LRP1B: variants seen among roughly 807,000 people sequenced by gnomAD.
LRP1B encodes the protein low-density lipoprotein receptor-related protein 1B.
A neutral mutation model predicts 556.6 loss-of-function variants in LRP1B; 217 were observed. The ratio of observed to expected loss-of-function variants is 0.39; its 90% CI spans 0.35 to 0.44. The LOEUF is 0.44. Ranked by LOEUF, LRP1B falls within the 20% of genes least tolerant of loss-of-function variation. The pLI, the probability that LRP1B is intolerant of heterozygous loss-of-function variation, is 1.00. For missense variants in LRP1B, 5,053 were observed against 5,620.8 expected (o/e 0.90, Z 3.23); for synonymous variants, 2,047 against 1,865.8 (o/e 1.10, Z -2.50).
At chr2:142,129,820 C>T (rs1277106688) in intron 1 of LRP1B, among the ~76,000 whole-genome samples, 2 of 152,134 alleles carry the variant, frequency 1.3e-5, no homozygotes, top group Non-Finnish European at 2.9e-5. Flanking sequence ...GATTATTAAA[C>T]TCGCACAGGG....
intron 1 of LRP1B, among the ~76,000 whole-genome samples, chr2:142,110,332 C>T (rs772782659): frequency 6.6e-6 from 1 of 151,978 alleles, no homozygotes; most frequent in Non-Finnish European, 1.5e-5. Context: ...TTATTTTTAA[C>T]TGATAAAATT....
At chr2:141,849,943 G>T (rs1697786639) in intron 1 of LRP1B, among the ~76,000 whole-genome samples, 1 of 151,630 alleles carries the variant, frequency 6.6e-6, no homozygotes, top group Non-Finnish European at 1.5e-5. Context: ...TTTGGCATAA[G>T]TTAATGTTTC....
At chr2:141,117,235 CATT>C (rs1558872064) in intron 7 of LRP1B, among the ~76,000 whole-genome samples, 1 of 42,348 alleles carries the variant, frequency 2.4e-5, no homozygotes, top group South Asian at 1.3e-3. Flanking sequence ...TTGGCTACTT[CATT>C]TTTTTTTTTT....
At chr2:141,546,407 C>T (rs1433080438) in intron 2 of LRP1B, among the ~76,000 whole-genome samples, 1 of 152,108 alleles carries the variant, frequency 6.6e-6, no homozygotes, top group East Asian at 1.9e-4. Context: ...CACAGTGCCT[C>T]CCCTTAGAAG....
intron 84 of LRP1B, among the ~76,000 whole-genome samples, chr2:140,278,173 T>A (rs1682764238): frequency 6.6e-6 from 1 of 152,042 alleles, no homozygotes; most frequent in South Asian, 2.1e-4. Flanking sequence ...AAGTTGAATC[T>A]ATGGTTTTAG....
chr2:140,741,225 C>T (rs1426045136), intron 35 of LRP1B, among the ~76,000 whole-genome samples: 5 of 152,144 alleles, frequency 3.3e-5, no homozygotes, highest in Non-Finnish European at 5.9e-5. Flanking sequence ...GGCAAGCAGA[C>T]ATTTGGGGAA....
intron 55 of LRP1B, among the ~76,000 whole-genome samples, chr2:140,498,584 A>G (rs557573315): frequency 3.3e-5 from 5 of 151,968 alleles, no homozygotes; most frequent in South Asian, 4.1e-4. Context: ...TGCAGAATTT[A>G]GAGGACGATT....
intron 32 of LRP1B, among the ~76,000 whole-genome samples, chr2:140,805,069 ATGT>A (rs1055634034): frequency 1.3e-5 from 2 of 152,146 alleles, no homozygotes; most frequent in Non-Finnish European, 2.9e-5. Flanking sequence ...TTGAAAACAA[ATGT>A]TGTGTGCATA....
At chr2:141,909,526 A>ATTTTT (rs377577096) in intron 1 of LRP1B, among the ~76,000 whole-genome samples, 30 of 93,396 alleles carry the variant, frequency 3.2e-4, no homozygotes, top group African/African-American at 1.3e-3. Flanking sequence ...GGTCTCAGAC[A>ATTTTT]TTTTTTTTTT....
chr2:141,042,082 A>C (rs991014092), intron 11 of LRP1B, among the ~76,000 whole-genome samples: 3 of 152,084 alleles, frequency 2.0e-5, no homozygotes, highest in African/African-American at 7.2e-5. Flanking sequence ...TGCTGAGACA[A>C]TGTTCCAAGG....
chr2:142,101,407 GTCTA>G (rs540413614), intron 1 of LRP1B, among the ~76,000 whole-genome samples: 4 of 152,098 alleles, frequency 2.6e-5, no homozygotes, highest in African/African-American at 9.6e-5. Context: ...ATGTTAGTAT[GTCTA>G]TCTCTCTGCA....
chr2:140,279,266 CAA>C (rs530415701), intron 84 of LRP1B, among the ~76,000 whole-genome samples: 109 of 151,964 alleles, frequency 7.2e-4, no homozygotes, highest in Non-Finnish European at 1.1e-3. Context: ...ATAATCTCTT[CAA>C]GTGTCCTCTG....
intron 41 of LRP1B, among the ~76,000 whole-genome samples, chr2:140,691,199 C>T (rs1336869476): frequency 3.9e-5 from 6 of 151,996 alleles, no homozygotes; most frequent in Non-Finnish European, 5.9e-5. Flanking sequence ...TGGCAGGGCG[C>T]GGTGGCTCAC....
At chr2:140,485,221 G>T in intron 59 of LRP1B, 122 bp downstream of exon 59, 2 of 571,626 alleles carry the variant, frequency 3.5e-6, no homozygotes, top group South Asian at 5.5e-5. Flanking sequence ...ATTTCTAAGT[G>T]AGAATTTCTG....
At chr2:141,540,620 T>A (rs933297493) in intron 2 of LRP1B, among the ~76,000 whole-genome samples, 2 of 152,066 alleles carry the variant, frequency 1.3e-5, no homozygotes, top group African/African-American at 4.8e-5. Flanking sequence ...GCTTGGCTTC[T>A]GATTTAATTA....
At chr2:141,861,455 C>T (rs2105787726) in intron 1 of LRP1B, among the ~76,000 whole-genome samples, 1 of 152,308 alleles carries the variant, frequency 6.6e-6, no homozygotes, top group Non-Finnish European at 1.5e-5. Flanking sequence ...GCAACCAAGA[C>T]TAGTGACAAT....
chr2:141,099,640 T>C (rs576804555), intron 7 of LRP1B, among the ~76,000 whole-genome samples: 1 of 152,242 alleles, frequency 6.6e-6, no homozygotes, highest in African/African-American at 2.4e-5. Flanking sequence ...TTCACACAAC[T>C]CTTCTTCCTA....
At position 141,038,727 on chromosome 2, in the gene LRP1B, G is replaced by A. The variant is rs146632742; in HGVS notation, c.1789+10259C>T. On this transcript the variant is annotated intron_variant, in intron 11 of 90. Transcript: ENST00000389484. ...GAGAAATTCGTATTAACTAACCTAAGCAATAGTTTAATTGTAGTTAAAGTT... is the reference window on the plus strand; with the variant it reads ...GAGAAATTCGTATTAACTAACCTAAACAATAGTTTAATTGTAGTTAAAGTT... Among the ~76,000 whole-genome samples the A allele has an allele frequency of 4.3e-3, 650 of 152,092 alleles. 3 individuals carry two copies. The highest frequency in any genetic ancestry group is 0.014 in the African/African-American group (596 of 41,504).
At chr2:140,466,461 C>T (rs1350842416) in intron 60 of LRP1B, among the ~76,000 whole-genome samples, 1 of 152,070 alleles carries the variant, frequency 6.6e-6, no homozygotes, top group East Asian at 1.9e-4. Flanking sequence ...ACAATATTGA[C>T]ACTTTAATAT....
Sources: gnomAD v4.1 joint callset for allele counts (sites outside exome capture counted in the v4.1 genomes callset) on GRCh38, gnomAD v4.1.1 for gene constraint, MANE v1.5 for transcripts, NCBI Gene and HGNC (gene_info 2026-07-23, HGNC 2026-07-21) for gene names.